The following NOVA1 variants were observed in gnomAD, a reference collection of about 807,000 sequenced individuals.
NOVA1 encodes the protein NOVA alternative splicing regulator 1, also known as RNA-binding protein Nova-1.
A neutral mutation model predicts 38.0 loss-of-function variants in NOVA1; 7 were observed. That is an observed-to-expected ratio of 0.18 (90% CI 0.10 to 0.35). The LOEUF is 0.35. NOVA1 is among the 10% of genes least tolerant of loss of function. The pLI is 1.00. For missense variants in NOVA1, 460 were observed against 616.0 expected, an observed-to-expected ratio of 0.75 and a Z score of 2.68; for synonymous variants, 270 against 232.5, an observed-to-expected ratio of 1.16 and a Z score of -1.47.
chr14:26,491,271 G>A (rs1291741292), intron 2 of NOVA1, among the ~76,000 whole-genome samples: 1 of 152,072 alleles, frequency 6.6e-6, no homozygotes, highest in African/African-American at 2.4e-5. Flanking sequence ...CTCCCAATGT[G>A]CTGGGATTAC....
intron 2 of NOVA1, among the ~76,000 whole-genome samples, chr14:26,579,162 ACT>A (rs1284098780): frequency 7.4e-6 from 1 of 134,244 alleles, no homozygotes; most frequent in East Asian, 2.3e-4. Flanking sequence ...GGTTCAAGTG[ACT>A]CTCCCGCCTC....
chr14:26,474,832 T>C (rs74832006), intron 3 of NOVA1, among the ~76,000 whole-genome samples: 2,074 of 152,042 alleles, frequency 0.014, 44 homozygotes, highest in African/African-American at 0.045. Context: ...ATAATGAAAA[T>C]GTAATGAAAT....
At chr14:26,592,154 G>A (rs1446468576) in intron 2 of NOVA1, among the ~76,000 whole-genome samples, 4 of 151,022 alleles carry the variant, frequency 2.6e-5, no homozygotes, top group Non-Finnish European at 5.9e-5. Context: ...TAAGCTTTTC[G>A]GATTACCTAC....
intron 2 of NOVA1, among the ~76,000 whole-genome samples, chr14:26,502,548 A>T (rs1887313637): frequency 6.6e-6 from 1 of 151,750 alleles, no homozygotes; most frequent in Admixed American, 6.6e-5. Flanking sequence ...TTTCATGAAA[A>T]ATGTAAATCT....
intron 2 of NOVA1, among the ~76,000 whole-genome samples, chr14:26,523,660 G>A (rs973727562): frequency 6.6e-6 from 1 of 151,552 alleles, no homozygotes; most frequent in African/African-American, 2.4e-5. Flanking sequence ...TTTTATTTAT[G>A]GGCAGAGAAA....
intron 2 of NOVA1, among the ~76,000 whole-genome samples, chr14:26,536,661 C>T (rs1890119059): frequency 6.6e-6 from 1 of 151,664 alleles, no homozygotes; most frequent in Admixed American, 6.6e-5. Context: ...TAAGATCAAA[C>T]CATAAGTGAG....
rs185691245 is a variant in NOVA1, at chr14:26,596,776, G to A, written c.136+525C>T. On this transcript the variant is annotated intron_variant, in intron 1 of 4. Coordinates refer to ENST00000539517, the MANE Select transcript of NOVA1 (RefSeq NM_002515.3). Reference sequence around the variant, plus strand: ...CACCGACAATCTAAGTGCGGTAAGGGCATGCACTCATCAAGATTTTGCATA... The same window carrying A: ...CACCGACAATCTAAGTGCGGTAAGGACATGCACTCATCAAGATTTTGCATA... The A allele has an allele frequency of 2.2e-5, 27 of 1,209,334 alleles. No individual in the cohort carries two copies. The Admixed American group carries it at 7.5e-4, about 34-fold the overall frequency. 74.9% of individuals were successfully genotyped at this position (1,209,334 alleles called of 1,614,324 possible).
chr14:26,592,289 T>TA (rs1464769723), intron 2 of NOVA1, among the ~76,000 whole-genome samples: 1 of 151,360 alleles, frequency 6.6e-6, no homozygotes, highest in Non-Finnish European at 1.5e-5. Flanking sequence ...AGGCATACAA[T>TA]AATATATTCC....
In NOVA1 at chr14:26,446,051, TTC is replaced by T. The variant is rs1882038869; in HGVS notation, c.*1906_*1907del. The T allele has an allele frequency of 6.6e-6, 1 of 152,588 alleles. No homozygotes were observed. Among genetic ancestry groups the T allele is most frequent in the South Asian group, 2.1e-4 (1 of 4,828 alleles). The allele number at this position is 152,588 out of a possible 1,614,324, so 9.5% of individuals were successfully genotyped here. ...CAATTAACACAGTTTACTACAGCTT[TTC>T]TCTTTCATTTAAACAAGCATATCAT... On this transcript the variant is annotated 3_prime_UTR_variant, in exon 5 of 5. Coordinates refer to ENST00000539517, the MANE Select transcript of NOVA1 (RefSeq NM_002515.3).
chr14:26,561,822 A>G (rs983259666), intron 2 of NOVA1, among the ~76,000 whole-genome samples: 1 of 152,214 alleles, frequency 6.6e-6, no homozygotes, highest in Non-Finnish European at 1.5e-5. Flanking sequence ...TAAACAAAAA[A>G]AATTCTAAGA....
At chr14:26,514,591 G>C (rs914235346) in intron 2 of NOVA1, among the ~76,000 whole-genome samples, 1 of 151,782 alleles carries the variant, frequency 6.6e-6, no homozygotes, top group Non-Finnish European at 1.5e-5. Flanking sequence ...CAGTTCTTCA[G>C]ACAGTTGACA....
intron 2 of NOVA1, among the ~76,000 whole-genome samples, chr14:26,577,825 A>G (rs1892958033): frequency 6.6e-6 from 1 of 152,148 alleles, no homozygotes; most frequent in South Asian, 2.1e-4. Flanking sequence ...TTAGACATAG[A>G]AGTGATATAA....
chr14:26,509,070 T>C (rs1375375252), intron 2 of NOVA1, among the ~76,000 whole-genome samples: 1 of 152,094 alleles, frequency 6.6e-6, no homozygotes, highest in Non-Finnish European at 1.5e-5. Flanking sequence ...TGAAAGAATT[T>C]CACCTCTTTC....
At chr14:26,486,784 T>G (rs17111280) in intron 2 of NOVA1, among the ~76,000 whole-genome samples, 2 of 147,946 alleles carry the variant, frequency 1.4e-5, no homozygotes, top group Admixed American at 6.8e-5. Flanking sequence ...ATAGGGAATA[T>G]GTGGCCTTTA....
At chr14:26,537,650 C>T (rs1311324348) in intron 2 of NOVA1, among the ~76,000 whole-genome samples, 2 of 152,098 alleles carry the variant, frequency 1.3e-5, no homozygotes, top group Non-Finnish European at 2.9e-5. Flanking sequence ...CCAACAATAG[C>T]CCCATACAGT....
chr14:26,490,848 T>G lies in NOVA1; in HGVS notation c.281-10705A>C, dbSNP rs1474095822. Among the ~76,000 whole-genome samples, 53 of 140,904 alleles carry G rather than the reference T, an allele frequency of 3.8e-4. No homozygotes were observed. In the East Asian group the frequency reaches 7.5e-3, roughly 20 times the overall value. 92.4% of individuals were successfully genotyped at this position (140,904 alleles called of 152,430 possible). A position where few individuals can be genotyped will look rare whatever the true frequency, so the allele number is the denominator to read the frequency against. ...GCACCATCACATCTGGCTAGTTTTT[T>G]TTTTTTTTTTTTTTTTTTTGAGACG... On this transcript the variant is annotated intron_variant, in intron 2 of 4. Coordinates refer to ENST00000539517, the MANE Select transcript of NOVA1 (RefSeq NM_002515.3).
chr14:26,588,192 A>C (rs1452255591), intron 2 of NOVA1, among the ~76,000 whole-genome samples: 1 of 151,224 alleles, frequency 6.6e-6, no homozygotes, highest in African/African-American at 2.4e-5. Context: ...AAGGTAAAAA[A>C]AAAAACACTA....
At chr14:26,498,123 G>A (rs533833422) in intron 2 of NOVA1, among the ~76,000 whole-genome samples, 16 of 151,996 alleles carry the variant, frequency 1.1e-4, no homozygotes, top group African/African-American at 3.9e-4. Flanking sequence ...GTAGTGGTGC[G>A]ATCTCAGCTC....
intron 2 of NOVA1, among the ~76,000 whole-genome samples, chr14:26,546,945 C>T (rs536377134): frequency 3.6e-4 from 55 of 152,016 alleles, no homozygotes; most frequent in Middle Eastern, 6.8e-3. Flanking sequence ...TTTGAACCCG[C>T]GAGGCAGAGG....
Sources: allele counts gnomAD v4.1 joint callset (sites outside exome capture counted in the v4.1 genomes callset), GRCh38; gene constraint gnomAD v4.1.1; transcripts MANE v1.5; gene names NCBI Gene and HGNC (gene_info 2026-07-23, HGNC 2026-07-21).